Variants in F5 observed in about 807,000 individuals in gnomAD.
F5 encodes the protein coagulation factor V, also known as activated protein c cofactor.
A neutral mutation model predicts 216.4 loss-of-function variants in F5; 138 were observed. That is an observed-to-expected ratio of 0.64 (90% confidence interval 0.56 to 0.73). The LOEUF (loss-of-function observed/expected upper bound fraction) is 0.73, where lower values mean the gene tolerates loss of function less well. F5 is among the 30% of genes least tolerant of loss of function. The probability of loss-of-function intolerance (pLI) is 0.00; values close to 1 mark genes in which losing one functional copy is unlikely to be tolerated. For synonymous variants in F5, 916 were observed against 930.7 expected, an observed-to-expected ratio of 0.98 and a Z score of 0.29; for missense variants, 2,403 against 2,674.0, an observed-to-expected ratio of 0.90 and a Z score of 2.24.
intron 3 of F5, among the ~76,000 whole-genome samples, chr1:169,571,183 C>T (rs937705399): frequency 1.3e-5 from 2 of 152,124 alleles, no homozygotes; most frequent in Admixed American, 6.6e-5. Context: ...ATCTGAACAT[C>T]AGCATAATGG....
chr1:169,515,813 A>G, intron 23 of F5, 187 bp from the exon 24 acceptor site: 1 of 608,154 alleles, frequency 1.6e-6, no homozygotes. Flanking sequence ...GTAAATTTTT[A>G]TTGAAGTATT....
chr1:169,556,780 C>A lies in F5; in HGVS notation c.818G>T (p.Gly273Val), dbSNP rs781526793. 1 of 1,614,064 alleles carries A rather than the reference C, an allele frequency of 6.2e-7. No individual in the cohort carries two copies. ...ATGATGGTTCTGCTCCAGGACCTGG[C>A]CGTTGAAATGAATGGAGAATAATTC... is the stretch of plus-strand genomic sequence containing the variant. ...GPELFSIHFN[G>V]QVLEQNHHKV... is the part of the protein sequence containing the mutation. Residue 273 changes from glycine to valine, a missense_variant, in exon 6 of 25, where the codon GGC becomes GTC. Around this residue, in one of 4 missense-constraint regions of F5, gnomAD observed 1,425 missense variants for 1,554.8 expected, o/e 0.92. Coordinates refer to ENST00000367797, the MANE Select transcript of F5 (RefSeq NM_000130.5).
At chr1:169,580,257 G>C (rs948626754) in intron 2 of F5, among the ~76,000 whole-genome samples, 3 of 152,010 alleles carry the variant, frequency 2.0e-5, no homozygotes. Context: ...TACTGTCATT[G>C]CTTGTCTATC....
At chr1:169,581,883 T>C (rs189806281) in intron 2 of F5, among the ~76,000 whole-genome samples, 15 of 152,338 alleles carry the variant, frequency 9.8e-5, no homozygotes, top group Admixed American at 8.5e-4. Context: ...CAGCCATACA[T>C]AGTTCCTTTG....
At chr1:169,552,527 C>G (rs755063529) in intron 8 of F5, 30 bp downstream of exon 8, 4 of 1,583,090 alleles carry the variant, frequency 2.5e-6, no homozygotes, top group Non-Finnish European at 2.6e-6. Flanking sequence ...TATGTAATTT[C>G]TCCCATGATT....
chr1:169,520,037 T>C (rs1557905083), intron 22 of F5, among the ~76,000 whole-genome samples: 1 of 152,030 alleles, frequency 6.6e-6, no homozygotes, highest in Non-Finnish European at 1.5e-5. Context: ...CTACACAGGG[T>C]ATGAAAGAAA....
intron 6 of F5, 57 bp from the exon 7 acceptor site, chr1:169,555,404 G>T (rs1660297142): frequency 6.6e-7 from 1 of 1,514,888 alleles, no homozygotes; most frequent in African/African-American, 1.4e-5. Context: ...ATGGTTGATT[G>T]AAATGCATAT....
At chr1:169,538,877 T>A (rs992973497) in intron 13 of F5, among the ~76,000 whole-genome samples, 2 of 152,112 alleles carry the variant, frequency 1.3e-5, no homozygotes, top group African/African-American at 4.8e-5. Context: ...CTTGACAGTA[T>A]CAACATCAGT....
chr1:169,515,491 C>G lies in F5; in HGVS notation c.6481G>C (p.Gly2161Arg). 6.2e-7 allele frequency: 1 copy of G among 1,613,578 alleles called. No homozygotes were observed. The highest frequency in any genetic ancestry group is 8.5e-7 in the Non-Finnish European group (1 of 1,179,656). ...KSYTIHYSEQ[G>R]VEWKPYRLKS... Reference sequence around the variant, plus strand: ...AGCCTGTATGGTTTCCATTCCACTCCCTGCTCACTGTAGTGGATGGTATAG... The same window carrying G: ...AGCCTGTATGGTTTCCATTCCACTCGCTGCTCACTGTAGTGGATGGTATAG... The change falls in exon 24 of 25, where the codon GGA (glycine) becomes CGA (arginine). Residue 2161 changes from glycine to arginine, a missense_variant. By Grantham distance (125) the Gly-to-Arg change is moderately radical. Transcript: ENST00000367797.
intron 2 of F5, among the ~76,000 whole-genome samples, 174 bp downstream of exon 2, chr1:169,582,257 G>T (rs1034525489): frequency 3.3e-5 from 5 of 151,784 alleles, no homozygotes; most frequent in Non-Finnish European, 7.4e-5. Flanking sequence ...TGAACAAGGG[G>T]ACTCACATTT....
chr1:169,547,082 C>T (rs572359543), intron 10 of F5, among the ~76,000 whole-genome samples: 19 of 152,264 alleles, frequency 1.2e-4, no homozygotes, highest in African/African-American at 4.3e-4. Flanking sequence ...AGGAGAATCA[C>T]CTGAACATGG....
At chr1:169,532,855 T>A (rs925630642) in intron 14 of F5, among the ~76,000 whole-genome samples, 25 of 152,186 alleles carry the variant, frequency 1.6e-4, no homozygotes, top group African/African-American at 6.0e-4. Flanking sequence ...GGAATCATTT[T>A]CCTCAGGATT....
chr1:169,521,938 C>T (rs1452672117), intron 21 of F5, among the ~76,000 whole-genome samples: 2 of 151,552 alleles, frequency 1.3e-5, no homozygotes, highest in African/African-American at 4.9e-5. Flanking sequence ...TTTTTAAAAT[C>T]GACAAATCTC....
intron 1 of F5, among the ~76,000 whole-genome samples, chr1:169,584,787 G>C (rs1443545228): frequency 6.6e-6 from 1 of 152,168 alleles, no homozygotes; most frequent in Non-Finnish European, 1.5e-5. Context: ...CAGTTTGTCT[G>C]GGTTGTGTTT....
chr1:169,524,878 C>T lies in F5; in HGVS notation c.5747G>A (p.Gly1916Asp). ...CTTGATCTGTGAATCAGATATGATA[C>T]CAGTGCTTAGTCCCATTGGCATCCT... ...DCRMPMGLST[G>D]IISDSQIKAS... Residue 1916 changes from glycine to aspartate, a missense_variant, in exon 19 of 25, where the codon GGT becomes GAT. Physicochemically the swap from Gly to Asp is moderately conservative, Grantham distance 94. This residue lies in a region of F5 where 659 missense variants were observed against 787.9 expected (regional missense o/e 0.84). Coordinates refer to ENST00000367797, the MANE Select transcript of F5 (RefSeq NM_000130.5). The T allele has an allele frequency of 6.2e-7, 1 of 1,613,680 alleles. No homozygotes were observed. The highest frequency in any genetic ancestry group is 8.5e-7 in the Non-Finnish European group (1 of 1,179,750).
Position 169,586,262 on chromosome 1 carries a change from C to A in F5, c.125G>T (p.Ser42Ile), listed in dbSNP as rs768376936. 1.9e-6 allele frequency: 3 copies of A among 1,614,114 alleles called. No homozygotes were observed. In the African/African-American group the frequency reaches 4.0e-5, roughly 22 times the overall value. ...RQFYVAAQGISWSYRPEPTNS... is the reference protein window; with the variant it reads ...RQFYVAAQGIIWSYRPEPTNS... ...TGTGGGCTCAGGTCGGTAGCTCCAA[C>A]TGATGCCCTGAGCAGCCACGTAGAA... The change falls in exon 1 of 25, where the codon AGT becomes ATT. Residue 42 changes from serine (S) to isoleucine (I), a missense_variant. Ser to Ile is a moderately radical substitution (Grantham distance 142). Transcript: ENST00000367797.
intron 2 of F5, among the ~76,000 whole-genome samples, chr1:169,581,869 G>A (rs1660994008): frequency 1.3e-5 from 2 of 152,182 alleles, no homozygotes; most frequent in African/African-American, 4.8e-5. Context: ...AGATGCAAAA[G>A]AGTCAGCCAT....
rs1301449116 is a variant in F5, at chr1:169,514,173, A to G, written c.*140T>C. Reference sequence around the variant, plus strand: ...GAGTTACATTATAAAAGCTTCTTGTATAAAATTTTATTCACTAATAGAAAA... The same window carrying G: ...GAGTTACATTATAAAAGCTTCTTGTGTAAAATTTTATTCACTAATAGAAAA... On this transcript the variant is annotated 3_prime_UTR_variant, in exon 25 of 25. Coordinates refer to ENST00000367797, the MANE Select transcript of F5 (RefSeq NM_000130.5). 2 of 833,768 alleles carry G rather than the reference A, an allele frequency of 2.4e-6. No homozygotes were observed. The highest frequency in any genetic ancestry group is 3.9e-6 in the Non-Finnish European group (2 of 518,544). 51.6% of individuals were successfully genotyped at this position (833,768 alleles called of 1,614,324 possible).
At chr1:169,532,292 C>T (rs1396317934) in intron 14 of F5, among the ~76,000 whole-genome samples, 1 of 152,128 alleles carries the variant, frequency 6.6e-6, no homozygotes, top group Non-Finnish European at 1.5e-5. Context: ...TGGAACAAGA[C>T]ATGGATGCCC....
Sources: gnomAD v4.1 joint callset for allele counts (sites outside exome capture counted in the v4.1 genomes callset) on GRCh38, gnomAD v4.1.1 for gene constraint, gnomAD v4.1.1 regional missense constraint, MANE v1.5 for transcripts, NCBI Gene and HGNC (gene_info 2026-07-23, HGNC 2026-07-21) for gene names.